SHTN1: variants seen among roughly 807,000 people sequenced by gnomAD.
SHTN1 encodes the protein shootin 1, also known as shootin-1.
Under a neutral mutation model 83.1 loss-of-function variants are expected in SHTN1, and 42 were observed. That is an observed-to-expected ratio of 0.51 (90% CI 0.39 to 0.65). The LOEUF (loss-of-function observed/expected upper bound fraction) is 0.65, where lower values mean the gene tolerates loss of function less well. SHTN1 is among the 30% of genes least tolerant of loss of function. SHTN1 has a pLI of 0.00. For synonymous variants in SHTN1, 224 were observed against 247.7 expected, an observed-to-expected ratio of 0.90 and a Z score of 0.90; for missense variants, 622 against 737.8, an observed-to-expected ratio of 0.84 and a Z score of 1.82.
In SHTN1 at chr10:117,039,193, A is replaced by G. The variant is rs562481734; in HGVS notation, c.-123+9252T>C. On this transcript the variant is annotated intron_variant, in intron 2 of 17. Transcript: ENST00000392901. ...AAGGAGCATCAACCCATGAAAAGAC[A>G]TGGAGGAAATTTAAATGCATATTAT... is the stretch of plus-strand genomic sequence containing the variant. Among the ~76,000 whole-genome samples, 284 of 152,358 alleles carry G rather than the reference A, an allele frequency of 1.9e-3. 1 individual carries two copies. Among genetic ancestry groups the G allele is most frequent in the Middle Eastern group, 3.4e-3 (1 of 294 alleles).
chr10:117,075,551 T>C (rs1165765025), intron 1 of SHTN1, among the ~76,000 whole-genome samples: 3 of 152,150 alleles, frequency 2.0e-5, no homozygotes, highest in Non-Finnish European at 2.9e-5. Context: ...AACTAATAAT[T>C]AGAGGCAATT....
intron 2 of SHTN1, among the ~76,000 whole-genome samples, chr10:116,978,045 G>T (rs1165856280): frequency 6.6e-6 from 1 of 152,024 alleles, no homozygotes; most frequent in Non-Finnish European, 1.5e-5. Context: ...GGCAAGAGAA[G>T]AAACTTAGGA....
chr10:117,043,657 A>G (rs1852619066), intron 2 of SHTN1, among the ~76,000 whole-genome samples: 1 of 151,984 alleles, frequency 6.6e-6, no homozygotes, highest in African/African-American at 2.4e-5. Flanking sequence ...TCTGGGCAAC[A>G]TAGGGAGATC....
At chr10:116,926,751 C>T (rs1848757958) in intron 11 of SHTN1, among the ~76,000 whole-genome samples, 1 of 151,376 alleles carries the variant, frequency 6.6e-6, no homozygotes, top group Non-Finnish European at 1.5e-5. Flanking sequence ...TTTAAAATGC[C>T]ATTTGTTAAA....
intron 1 of SHTN1, among the ~76,000 whole-genome samples, chr10:117,049,896 T>G (rs1232038068): frequency 6.6e-6 from 1 of 152,182 alleles, no homozygotes; most frequent in Non-Finnish European, 1.5e-5. Flanking sequence ...TGCTAAATGC[T>G]TATATTAGAA....
intron 1 of SHTN1, among the ~76,000 whole-genome samples, chr10:117,102,015 A>AAG (rs1554939387): frequency 6.6e-6 from 1 of 151,804 alleles, no homozygotes; most frequent in Non-Finnish European, 1.5e-5. Flanking sequence ...AGAAAAAAAA[A>AAG]AAGAAGAAGA....
intron 6 of SHTN1, among the ~76,000 whole-genome samples, chr10:116,950,344 T>A (rs566026611): frequency 4.6e-5 from 7 of 152,120 alleles, no homozygotes; most frequent in South Asian, 2.1e-4. Context: ...TTTTTAAAAA[T>A]TTTTTTGAGA....
chr10:116,901,034 G>A (rs1284296952), intron 16 of SHTN1: 11 of 985,208 alleles, frequency 1.1e-5, no homozygotes, highest in Non-Finnish European at 1.3e-5. Flanking sequence ...GGAAATCAGA[G>A]GTTTAATTAA....
intron 1 of SHTN1, among the ~76,000 whole-genome samples, chr10:117,069,789 C>T (rs527823003): frequency 3.3e-5 from 5 of 152,248 alleles, no homozygotes; most frequent in Middle Eastern, 3.4e-3. Context: ...TGCCATTTTT[C>T]TGTTGGGCAT....
intron 1 of SHTN1, among the ~76,000 whole-genome samples, chr10:117,091,635 C>CT (rs1447205966): frequency 1.3e-5 from 2 of 152,204 alleles, no homozygotes; most frequent in Non-Finnish European, 2.9e-5. Flanking sequence ...AATCCAAAGG[C>CT]TTTGAGTTCC....
rs182648063 is a variant in SHTN1 at position 116,969,560 on chromosome 10, G to A, written c.112-848C>T. Among the ~76,000 whole-genome samples the A allele has an allele frequency of 1.2e-4, 18 of 152,280 alleles. 1 individual carries two copies. The highest frequency in any genetic ancestry group is 3.9e-4 in the Admixed American group (6 of 15,290). Reference sequence around the variant, plus strand: ...AGAGGAAGGTACCAAATTAAAAGAAGAGAAGATAAAATATTCCATACTAAG... The same window carrying A: ...AGAGGAAGGTACCAAATTAAAAGAAAAGAAGATAAAATATTCCATACTAAG... On this transcript the variant is annotated intron_variant, in intron 2 of 16. Coordinates refer to ENST00000355371, the MANE Select transcript of SHTN1 (RefSeq NM_001127211.3).
chr10:116,958,181 G>A (rs1589843025), intron 4 of SHTN1, among the ~76,000 whole-genome samples: 1 of 151,768 alleles, frequency 6.6e-6, no homozygotes, highest in African/African-American at 2.4e-5. Context: ...TTGCTCTCAG[G>A]AAAAAAAATG....
intron 2 of SHTN1, among the ~76,000 whole-genome samples, chr10:117,035,743 C>T (rs907157703): frequency 2.6e-5 from 4 of 151,840 alleles, no homozygotes; most frequent in Admixed American, 6.6e-5. Context: ...GTCAGGAGTT[C>T]GAGACCAGAC....
chr10:117,113,258 C>T (rs952370566), intron 1 of SHTN1, among the ~76,000 whole-genome samples: 2 of 152,208 alleles, frequency 1.3e-5, no homozygotes, highest in African/African-American at 4.8e-5. Context: ...GATGCTAACA[C>T]AAATTCGGTT....
Position 116,927,887 on chromosome 10 carries a change from A to T in SHTN1, c.1017T>A (p.Asp339Glu), listed in dbSNP as rs368869267. ...EKARNLKHSVDELQKRVNQSE... is the reference protein window; with the variant it reads ...EKARNLKHSVEELQKRVNQSE... The stretch of plus-strand genomic sequence containing the variant: ...ACTGGTTCACTCGTTTCTGGAGTTC[A>T]TCAACTGCACAGAGAGCAAACATTC... Residue 339 changes from aspartate (D) to glutamate (E), a missense_variant, in exon 11 of 17, where the codon GAT becomes GAA. This residue lies in a region of SHTN1 where 383 missense variants were observed against 455.8 expected (regional missense o/e 0.84). Transcript: ENST00000355371. 18 of 1,612,546 alleles carry T rather than the reference A, an allele frequency of 1.1e-5. No homozygotes were observed. The highest frequency in any genetic ancestry group is 1.5e-5 in the Non-Finnish European group (18 of 1,179,338).
In SHTN1 at chr10:116,937,063, G is replaced by A. The variant is rs139353877; in HGVS notation, c.858+3403C>T. On this transcript the variant is annotated intron_variant, in intron 9 of 16. Transcript: ENST00000355371. ...ATTTTAAGCCTATGTGTCTTTACAC[G>A]TGAGATGGGTCTCCTGAATACAGCA... 1.2e-3 allele frequency among the ~76,000 whole-genome samples: 189 copies of A among 151,846 alleles called. 1 individual carries two copies. The highest frequency in any genetic ancestry group is 4.2e-3 in the African/African-American group (175 of 41,390).
intron 2 of SHTN1, among the ~76,000 whole-genome samples, chr10:117,046,476 A>T (rs1278070701): frequency 2.6e-5 from 4 of 152,218 alleles, no homozygotes; most frequent in Middle Eastern, 3.2e-3. Context: ...AGCAACTCCC[A>T]AAGTTAAACA....
intron 1 of SHTN1, among the ~76,000 whole-genome samples, chr10:117,058,140 C>A (rs1465678372): frequency 1.3e-5 from 2 of 151,972 alleles, no homozygotes; most frequent in Non-Finnish European, 2.9e-5. Context: ...TTAGGTATGA[C>A]AAAAACAAGC....
At chr10:116,921,592 T>C in intron 11 of SHTN1, 76 bp from the exon 12 acceptor site, 1 of 1,001,078 alleles carries the variant, frequency 1.0e-6, no homozygotes, top group Non-Finnish European at 1.5e-6. Context: ...AATCTCACTC[T>C]TTGATAGGTG....
Sources: allele counts gnomAD v4.1 joint callset (sites outside exome capture counted in the v4.1 genomes callset), GRCh38; gene constraint gnomAD v4.1.1; regional missense constraint gnomAD v4.1.1; transcripts MANE v1.5; gene names NCBI Gene and HGNC (gene_info 2026-07-23, HGNC 2026-07-21).